The following ZYG11A variants were observed in gnomAD, a reference collection of about 807,000 sequenced individuals.
ZYG11A encodes protein zyg-11 homolog A.
ZYG11A carries 62 observed loss-of-function variants against 77.2 expected under a neutral mutation model. The observed-to-expected ratio is 0.80, with a 90% CI of 0.65 to 0.99. The LOEUF is 0.99. Ranked by LOEUF, ZYG11A falls within the 50% of genes least tolerant of loss-of-function variation. The probability of loss-of-function intolerance (pLI) is 0.00; values close to 1 mark genes in which losing one functional copy is unlikely to be tolerated. For missense variants in ZYG11A, 828 were observed against 896.8 expected (o/e 0.92, Z 0.98); for synonymous variants, 315 against 324.6 (o/e 0.97, Z 0.32).
chr1:52,887,174 TAAAAAG>T (rs757987989), intron 13 of ZYG11A, 121 bp downstream of exon 13: 2 of 420,660 alleles, frequency 4.8e-6, no homozygotes. Flanking sequence ...TAGGTGTGTT[TAAAAAG>T]AAACTGAAAA....
chr1:52,880,182 A>G (rs1646340089), intron 10 of ZYG11A, among the ~76,000 whole-genome samples: 1 of 150,912 alleles, frequency 6.6e-6, no homozygotes, highest in Non-Finnish European at 1.5e-5. Context: ...TTAGGGGGTA[A>G]CATATGATAG....
chr1:52,868,332 G>A (rs996275827), intron 8 of ZYG11A, among the ~76,000 whole-genome samples: 14 of 152,110 alleles, frequency 9.2e-5, no homozygotes, highest in African/African-American at 3.4e-4. Context: ...AGGTGTTACT[G>A]ATTTTGCTGC....
chr1:52,888,340 A>G (rs1161602541), intron 13 of ZYG11A, among the ~76,000 whole-genome samples: 2 of 152,194 alleles, frequency 1.3e-5, no homozygotes, highest in Admixed American at 1.3e-4. Context: ...AATCAACAGG[A>G]AAGAACTAAC....
Position 52,848,943 on chromosome 1 carries a change from T to G in ZYG11A, c.91-5522T>G, listed in dbSNP as rs560213702. On this transcript the variant is annotated intron_variant, in intron 1 of 13. Coordinates refer to ENST00000371528, the MANE Select transcript of ZYG11A (RefSeq NM_001004339.3). ...TTACTATTCTTTGCACCCAGTGAAT[T>G]AATTAACTATATTTCAATATAGTTA... Among the ~76,000 whole-genome samples, 30 of 152,308 alleles carry G rather than the reference T, an allele frequency of 2.0e-4. No individual in the cohort carries two copies. The South Asian group carries it at 6.2e-3, about 32-fold the overall frequency.
chr1:52,880,436 C>T (rs1023233942), intron 10 of ZYG11A, among the ~76,000 whole-genome samples: 1 of 152,124 alleles, frequency 6.6e-6, no homozygotes, highest in African/African-American at 2.4e-5. Context: ...TGTAGACAGA[C>T]TCTCCCAGTG....
rs61744306 is a variant in ZYG11A, at chr1:52,860,749, A to G, written c.1027A>G (p.Met343Val). ...QGLRVAGGASMSQISEALSRY... is the reference protein window; with the variant it reads ...QGLRVAGGASVSQISEALSRY... The stretch of plus-strand genomic sequence containing the variant: ...TTTTCAGGTTGCTGGAGGAGCCAGT[A>G]TGAGTCAGATTTCAGAAGCACTGAG... Residue 343 changes from methionine to valine, a missense_variant, in exon 4 of 14, where the codon ATG becomes GTG. Physicochemically the swap from Met to Val is conservative, Grantham distance 21 (BLOSUM62 1). Transcript: ENST00000371528. 11,221 of 1,551,646 alleles carry G rather than the reference A, an allele frequency of 7.2e-3. 148 individuals carry two copies. In the Middle Eastern group the frequency reaches 0.093, roughly 13 times the overall value.
At chr1:52,843,896 C>A (rs1305457021) in intron 1 of ZYG11A, among the ~76,000 whole-genome samples, 1 of 151,990 alleles carries the variant, frequency 6.6e-6, no homozygotes, top group African/African-American at 2.4e-5. Context: ...CCATGTTGGC[C>A]AGGATGGTTT....
Position 52,885,815 on chromosome 1 carries a change from CTCTT to C in ZYG11A, c.1945-17_1945-14del, listed in dbSNP as rs1409273332. On this transcript the variant is annotated splice_polypyrimidine_tract_variant and intron_variant, in intron 11 of 13. Transcript: ENST00000371528. Reference sequence around the variant, plus strand: ...GGATTATTCAAATGTTGGTTTCTCTCTCTTGTTTTTGGAGTAGCATGCAACCATA... The same window carrying C: ...GGATTATTCAAATGTTGGTTTCTCTCGTTTTTGGAGTAGCATGCAACCATA... The C allele has an allele frequency of 5.9e-6, 9 of 1,516,878 alleles. No individual in the cohort carries two copies. In the South Asian group the frequency reaches 1.2e-4, roughly 19 times the overall value. 94.0% of individuals were successfully genotyped at this position (1,516,878 alleles called of 1,614,324 possible).
At position 52,842,816 on chromosome 1, in the gene ZYG11A, GT is replaced by G; in HGVS notation, c.-66del. On this transcript the variant is annotated 5_prime_UTR_variant, in exon 1 of 14. Transcript: ENST00000371528. ...GCGCGTCCTGGCAGCCGCCCGCTTGGTTCTCGCGGGATCCGGGCTCCGGCTC... is the reference window on the plus strand; with the variant it reads ...GCGCGTCCTGGCAGCCGCCCGCTTGGTCTCGCGGGATCCGGGCTCCGGCTC... 2.8e-6 allele frequency: 4 copies of G among 1,452,794 alleles called. No homozygotes were observed. Among genetic ancestry groups the G allele is most frequent in the Non-Finnish European group, 3.7e-6 (4 of 1,077,378 alleles). The allele number at this position is 1,452,794 out of a possible 1,614,324, so 90.0% of individuals were successfully genotyped here. A position where few individuals can be genotyped will look rare whatever the true frequency, so the allele number is the denominator to read the frequency against.
chr1:52,862,023 A>G (rs532482289), intron 4 of ZYG11A, among the ~76,000 whole-genome samples: 10 of 152,044 alleles, frequency 6.6e-5, no homozygotes, highest in Non-Finnish European at 1.3e-4. Flanking sequence ...AGCCTGGCCA[A>G]CATGGTAGAA....
rs1646361482 is a variant in ZYG11A, at chr1:52,881,524, G to T, written c.1803G>T (p.Val601=). ...ELSSKLVTED[V]LKHINSLLCS... ...CTTCCAAGCTGGTGACCGAAGATGT[G>T]CTGAAGCATATCAACAGTTTACTCT... The change falls in exon 11 of 14, where the codon GTG becomes GTT. Residue 601 remains valine (V), a synonymous_variant. Coordinates refer to ENST00000371528, the MANE Select transcript of ZYG11A (RefSeq NM_001004339.3). 22 of 1,551,732 alleles carry T rather than the reference G, an allele frequency of 1.4e-5. No individual in the cohort carries two copies. Among genetic ancestry groups the T allele is most frequent in the African/African-American group, 2.7e-5 (2 of 73,004 alleles).
Position 52,892,832 on chromosome 1 carries a change from T to C in ZYG11A, c.2155T>C (p.Cys719Arg). The part of the protein sequence containing the change: ...LVEEEGLQLL[C>R]DIQEHSEATP... ...TGAAGAAGAAGGATTGCAGCTTTTG[T>C]GTGATATCCAGGAGCACAGTGAGGC... Residue 719 changes from cysteine to arginine, a missense_variant, in exon 14 of 14, where the codon TGT becomes CGT. By Grantham distance (180) the Cys-to-Arg change is radical. Coordinates refer to ENST00000371528, the MANE Select transcript of ZYG11A (RefSeq NM_001004339.3). 1.3e-6 allele frequency: 2 copies of C among 1,551,666 alleles called. No individual in the cohort carries two copies. Among genetic ancestry groups the C allele is most frequent in the Non-Finnish European group, 1.7e-6 (2 of 1,146,998 alleles).
intron 4 of ZYG11A, among the ~76,000 whole-genome samples, chr1:52,861,206 A>G (rs974744470): frequency 6.6e-6 from 1 of 152,246 alleles, no homozygotes; most frequent in South Asian, 2.1e-4. Flanking sequence ...TGTGAATGAC[A>G]TAAAGTTGCT....
chr1:52,859,242 A>G (rs1368339869), intron 3 of ZYG11A, among the ~76,000 whole-genome samples: 2 of 151,940 alleles, frequency 1.3e-5, no homozygotes, highest in Non-Finnish European at 2.9e-5. Flanking sequence ...ATCTTGGCTC[A>G]CCACCAAGGA....
chr1:52,864,731 G>GTGCCATTCTCCTA (rs1194723909), intron 5 of ZYG11A, among the ~76,000 whole-genome samples: 4 of 151,706 alleles, frequency 2.6e-5, no homozygotes, highest in Admixed American at 6.6e-5. Flanking sequence ...CGCAACCTCC[G>GTGCCATTCTCCTA]CCTCCTGGGT....
At position 52,842,935 on chromosome 1, in the gene ZYG11A, G is replaced by T. The variant is rs773974324; in HGVS notation, c.52G>T (p.Asp18Tyr). The T allele has an allele frequency of 5.6e-5, 86 of 1,530,010 alleles. No homozygotes were observed. The highest frequency in any genetic ancestry group is 1.7e-4 in the Middle Eastern group (1 of 5,956). The allele number at this position is 1,530,010 out of a possible 1,614,324, so 94.8% of individuals were successfully genotyped here. A position where few individuals can be genotyped will look rare whatever the true frequency, so the allele number is the denominator to read the frequency against. ...CACGCCCCGGAACATCGTCCCTCCTGACGCTCAGAAGGATGCCCTGGGCTG... is the reference window on the plus strand; with the variant it reads ...CACGCCCCGGAACATCGTCCCTCCTTACGCTCAGAAGGATGCCCTGGGCTG... The part of the protein sequence containing the change: ...GHTPRNIVPP[D>Y]AQKDALGCCV... The change falls in exon 1 of 14, where the codon GAC becomes TAC. Residue 18 changes from aspartate (D) to tyrosine (Y), a missense_variant. By Grantham distance (160) the Asp-to-Tyr change is radical (BLOSUM62 -3). Coordinates refer to ENST00000371528, the MANE Select transcript of ZYG11A (RefSeq NM_001004339.3).
Position 52,842,832 on chromosome 1 carries a change from G to T in ZYG11A, c.-52G>T. 2 of 1,504,578 alleles carry T rather than the reference G, an allele frequency of 1.3e-6. No homozygotes were observed. Among genetic ancestry groups the T allele is most frequent in the Non-Finnish European group, 1.8e-6 (2 of 1,118,948 alleles). 93.2% of individuals were successfully genotyped at this position (1,504,578 alleles called of 1,614,324 possible). On this transcript the variant is annotated 5_prime_UTR_variant, in exon 1 of 14. Transcript: ENST00000371528. ...GCCCGCTTGGTTCTCGCGGGATCCG[G>T]GCTCCGGCTCGACGCCGGCTCTCTT... is the stretch of plus-strand genomic sequence containing the variant.
At chr1:52,884,859 GGA>G (rs1646420161) in intron 11 of ZYG11A, among the ~76,000 whole-genome samples, 1 of 151,974 alleles carries the variant, frequency 6.6e-6, no homozygotes, top group African/African-American at 2.4e-5. Context: ...AAGAAATCGG[GGA>G]GTCCGAATCC....
chr1:52,857,272 T>A lies in ZYG11A; in HGVS notation c.531T>A (p.Phe177Leu). ...SIPQNSRLLFFSQLTGLRILS... is the reference protein window; with the variant it reads ...SIPQNSRLLFLSQLTGLRILS... ...CTCAAAATTCAAGATTACTGTTCTT[T>A]AGTCAGCTCACTGGTCTTCGCATTT... Residue 177 changes from phenylalanine to leucine, a missense_variant, in exon 3 of 14, where the codon TTT becomes TTA. Physicochemically the swap from Phe to Leu is conservative, Grantham distance 22. Coordinates refer to ENST00000371528, the MANE Select transcript of ZYG11A (RefSeq NM_001004339.3). 1 of 1,552,184 alleles carries A rather than the reference T, an allele frequency of 6.4e-7. No homozygotes were observed. Among genetic ancestry groups the A allele is most frequent in the East Asian group, 2.4e-5 (1 of 40,934 alleles).
Sources: allele counts gnomAD v4.1 joint callset (sites outside exome capture counted in the v4.1 genomes callset), GRCh38; gene constraint gnomAD v4.1.1; transcripts MANE v1.5; gene names NCBI Gene and HGNC (gene_info 2026-07-23, HGNC 2026-07-21).